The following LARP4 variants were observed in gnomAD, a reference collection of about 807,000 sequenced individuals.
LARP4 encodes the protein La ribonucleoprotein 4.
In LARP4, 29 loss-of-function variants were observed where a neutral mutation model predicts 92.9. The observed-to-expected ratio is 0.31, with a 90% CI of 0.23 to 0.43. LARP4 has a LOEUF of 0.43. Among genes scored for constraint, LARP4 ranks in the 20% least tolerant of loss-of-function variants. The pLI is 1.00. For synonymous variants in LARP4, 279 were observed against 284.1 expected, an observed-to-expected ratio of 0.98 and a Z score of 0.18; for missense variants, 732 against 860.0, an observed-to-expected ratio of 0.85 and a Z score of 1.86.
At chr12:50,430,358 T>C in intron 3 of LARP4, 137 bp from the exon 4 acceptor site, 1 of 571,450 alleles carries the variant, frequency 1.7e-6, no homozygotes, top group South Asian at 2.4e-5. Context: ...AGGGAGACCC[T>C]GTTTCTCTGA....
intron 4 of LARP4, among the ~76,000 whole-genome samples, chr12:50,434,411 CTT>C (rs1292182964): frequency 6.6e-5 from 9 of 136,956 alleles, no homozygotes; most frequent in Non-Finnish European, 3.2e-5. Flanking sequence ...TTTTATTTTT[CTT>C]TTTTTTTTTT....
intron 1 of LARP4, among the ~76,000 whole-genome samples, chr12:50,417,923 C>T (rs1165582156): frequency 6.6e-6 from 1 of 152,100 alleles, no homozygotes; most frequent in African/African-American, 2.4e-5. Flanking sequence ...TGTAATGGCG[C>T]GATCTTGGTT....
chr12:50,448,988 TC>T (rs1190578610), intron 8 of LARP4, among the ~76,000 whole-genome samples: 3 of 152,110 alleles, frequency 2.0e-5, no homozygotes, highest in African/African-American at 7.2e-5. Flanking sequence ...TGTGGCTCGT[TC>T]CTGTAATTCC....
chr12:50,425,732 TC>T (rs1948608071), intron 1 of LARP4, among the ~76,000 whole-genome samples: 1 of 152,136 alleles, frequency 6.6e-6, no homozygotes, highest in Non-Finnish European at 1.5e-5. Context: ...GCAATTCACT[TC>T]CTAGATCATT....
chr12:50,452,110 C>T (rs1425800361), intron 8 of LARP4, among the ~76,000 whole-genome samples: 2 of 152,204 alleles, frequency 1.3e-5, no homozygotes, highest in Non-Finnish European at 2.9e-5. Flanking sequence ...CATATGTTAG[C>T]CACTATAAGT....
intron 12 of LARP4, among the ~76,000 whole-genome samples, chr12:50,462,971 C>G (rs1328498383): frequency 6.6e-6 from 1 of 152,014 alleles, no homozygotes; most frequent in Non-Finnish European, 1.5e-5. Flanking sequence ...ATTACTGTTT[C>G]CCAGGGCACT....
At chr12:50,451,639 A>G (rs1195257696) in intron 8 of LARP4, among the ~76,000 whole-genome samples, 2 of 152,180 alleles carry the variant, frequency 1.3e-5, no homozygotes, top group Non-Finnish European at 2.9e-5. Flanking sequence ...GTTCCAGACC[A>G]GCCTGGGCAA....
At position 50,478,646 on chromosome 12, in the gene LARP4, C is replaced by T. The variant is rs370058215; in HGVS notation, c.*2782C>T. On this transcript the variant is annotated 3_prime_UTR_variant, in exon 16 of 16. Coordinates refer to ENST00000398473, the MANE Select transcript of LARP4 (RefSeq NM_052879.5). Reference sequence around the variant, plus strand: ...GGTATAGTGATACTCTGCCATAGTTCTTACTGCATGAAGAGAACAAGAGTC... The same window carrying T: ...GGTATAGTGATACTCTGCCATAGTTTTTACTGCATGAAGAGAACAAGAGTC... 3 of 152,160 alleles carry T rather than the reference C, an allele frequency of 2.0e-5. No homozygotes were observed. The highest frequency in any genetic ancestry group is 6.5e-5 in the Admixed American group (1 of 15,276). The allele number at this position is 152,160 out of a possible 1,614,324, so 9.4% of individuals were successfully genotyped here.
At position 50,423,424 on chromosome 12, in the gene LARP4, C is replaced by T. The variant is rs183739674; in HGVS notation, c.19-4338C>T. On this transcript the variant is annotated intron_variant, in intron 1 of 15. Coordinates refer to ENST00000398473, the MANE Select transcript of LARP4 (RefSeq NM_052879.5). ...CAGCAGAATTGCCTTCCATTCAAAA[C>T]TGACATGCTTTATAAAAAAATCTAT... 5.9e-5 allele frequency among the ~76,000 whole-genome samples: 9 copies of T among 152,208 alleles called. No individual in the cohort carries two copies. In the East Asian group the frequency reaches 1.5e-3, roughly 26 times the overall value.
rs1053015523 is a variant in LARP4, at chr12:50,428,189, G to A, written c.166+280G>A. ...AATCCCACACCCGGTTACCACACCC[G>A]GCTAATTTTTGTATTTTTAGTAGAG... On this transcript the variant is annotated intron_variant, in intron 2 of 15. Coordinates refer to ENST00000398473, the MANE Select transcript of LARP4 (RefSeq NM_052879.5). Among the ~76,000 whole-genome samples the A allele has an allele frequency of 4.0e-5, 6 of 151,582 alleles. 1 individual carries two copies. Among genetic ancestry groups the A allele is most frequent in the South Asian group, 4.2e-4 (2 of 4,790 alleles).
chr12:50,407,597 A>C (rs1945089176), intron 1 of LARP4, among the ~76,000 whole-genome samples: 1 of 152,072 alleles, frequency 6.6e-6, no homozygotes, highest in Non-Finnish European at 1.5e-5. Context: ...GTAATCCCAG[A>C]ATTTTGGGAG....
intron 4 of LARP4, among the ~76,000 whole-genome samples, chr12:50,433,608 A>G (rs888853158): frequency 1.3e-5 from 2 of 149,806 alleles, no homozygotes; most frequent in African/African-American, 4.9e-5. Flanking sequence ...TTATGTTTAT[A>G]GTTGTCTTAT....
chr12:50,460,909 T>C (rs1955262036), intron 10 of LARP4, among the ~76,000 whole-genome samples: 1 of 152,140 alleles, frequency 6.6e-6, no homozygotes, highest in South Asian at 2.1e-4. Flanking sequence ...GCCACTGCGC[T>C]CCAGCCTGGG....
intron 13 of LARP4, among the ~76,000 whole-genome samples, chr12:50,472,524 AC>A (rs1255406394): frequency 6.6e-6 from 1 of 151,006 alleles, no homozygotes; most frequent in African/African-American, 2.4e-5. Context: ...TAGCCTACAA[AC>A]TTTTTTTTTT....
chr12:50,435,734 T>A, intron 5 of LARP4, 110 bp downstream of exon 5: 1 of 766,590 alleles, frequency 1.3e-6, no homozygotes, highest in Non-Finnish European at 2.1e-6. Context: ...CACACCCTTA[T>A]TTTGTTGTTT....
At chr12:50,401,290 C>T (rs1051959837) in intron 1 of LARP4, 10 of 528,354 alleles carry the variant, frequency 1.9e-5, no homozygotes, top group Admixed American at 3.2e-5. Context: ...CGGTGAGGTT[C>T]AGAGGAAGGG....
At chr12:50,474,219 T>A (rs747217537) in intron 15 of LARP4, 52 bp downstream of exon 15, 1 of 1,415,312 alleles carries the variant, frequency 7.1e-7, no homozygotes, top group Non-Finnish European at 9.6e-7. Flanking sequence ...GATTAGATTT[T>A]TTTTTTTTTT....
At position 50,454,073 on chromosome 12, in the gene LARP4, C is replaced by G. The variant is rs1162919583; in HGVS notation, c.1018-241C>G. On this transcript the variant is annotated intron_variant, in intron 9 of 15. Coordinates refer to ENST00000398473, the MANE Select transcript of LARP4 (RefSeq NM_052879.5). ...GAAAGAAGAGACTGGATAACTTTTGCGTGATTTTAAATGCATTTTAGTGTT... is the reference window on the plus strand; with the variant it reads ...GAAAGAAGAGACTGGATAACTTTTGGGTGATTTTAAATGCATTTTAGTGTT... Among the ~76,000 whole-genome samples, 3 of 152,102 alleles carry G rather than the reference C, an allele frequency of 2.0e-5. No homozygotes were observed. In the South Asian group the frequency reaches 6.2e-4, roughly 32 times the overall value.
chr12:50,462,521 T>C, intron 11 of LARP4, 61 bp from the exon 12 acceptor site: 1 of 954,170 alleles, frequency 1.0e-6, no homozygotes, highest in Non-Finnish European at 1.6e-6. Flanking sequence ...TGTATATATC[T>C]GAAGAAACTT....
Sources: gnomAD v4.1 joint callset for allele counts (sites outside exome capture counted in the v4.1 genomes callset) on GRCh38, gnomAD v4.1.1 for gene constraint, MANE v1.5 for transcripts, NCBI Gene and HGNC (gene_info 2026-07-23, HGNC 2026-07-21) for gene names.